Variants in PDGFC observed in about 807,000 individuals in gnomAD.
The protein encoded by PDGFC is platelet derived growth factor C.
A neutral mutation model predicts 35.5 loss-of-function variants in PDGFC; 12 were observed. The ratio of observed to expected loss-of-function variants is 0.34; its 90% confidence interval spans 0.22 to 0.55. The LOEUF (loss-of-function observed/expected upper bound fraction) is 0.55, where lower values mean the gene tolerates loss of function less well. PDGFC is among the 20% of genes least tolerant of loss of function. PDGFC has a pLI of 0.91. For missense variants in PDGFC, 322 were observed against 412.4 expected, an observed-to-expected ratio of 0.78 and a Z score of 1.90; for synonymous variants, 159 against 148.8, an observed-to-expected ratio of 1.07 and a Z score of -0.50.
At chr4:156,920,387 T>C (rs564306298) in intron 1 of PDGFC, among the ~76,000 whole-genome samples, 4 of 152,290 alleles carry the variant, frequency 2.6e-5, no homozygotes, top group African/African-American at 4.8e-5. Flanking sequence ...ACACCATTTC[T>C]ACAGATGAAA....
At chr4:156,763,261 G>T in intron 5 of PDGFC, 55 bp from the exon 6 acceptor site, 1 of 860,486 alleles carries the variant, frequency 1.2e-6, no homozygotes, top group Non-Finnish European at 2.0e-6. Context: ...TCTATGACTG[G>T]CTTTTATAAA....
chr4:156,943,943 T>C (rs141711476), intron 1 of PDGFC, among the ~76,000 whole-genome samples: 3 of 152,154 alleles, frequency 2.0e-5, no homozygotes, highest in Middle Eastern at 3.2e-3. Flanking sequence ...AAAACAAATA[T>C]GTTGTGTTAG....
At chr4:156,811,197 G>GT (rs1246841659) in intron 2 of PDGFC, among the ~76,000 whole-genome samples, 180 bp from the exon 3 acceptor site, 1 of 152,034 alleles carries the variant, frequency 6.6e-6, no homozygotes, top group Admixed American at 6.6e-5. Context: ...TGAGGGCCCA[G>GT]TTGAAGAACT....
intron 3 of PDGFC, among the ~76,000 whole-genome samples, chr4:156,803,630 GA>G (rs1476782517): frequency 6.6e-6 from 1 of 152,076 alleles, no homozygotes; most frequent in East Asian, 1.9e-4. Context: ...ACAAAGGGCA[GA>G]AAAATCATTT....
intron 2 of PDGFC, among the ~76,000 whole-genome samples, chr4:156,820,938 T>G (rs1732236231): frequency 6.6e-6 from 1 of 152,166 alleles, no homozygotes; most frequent in African/African-American, 2.4e-5. Context: ...TAGTTTCCAA[T>G]ATTTTGGAAA....
chr4:156,802,054 G>A (rs1731626448), intron 3 of PDGFC, among the ~76,000 whole-genome samples: 1 of 152,072 alleles, frequency 6.6e-6, no homozygotes, highest in Non-Finnish European at 1.5e-5. Flanking sequence ...GCAACATGTG[G>A]TTACTATATA....
At chr4:156,819,241 A>T (rs1732179913) in intron 2 of PDGFC, among the ~76,000 whole-genome samples, 1 of 151,330 alleles carries the variant, frequency 6.6e-6, no homozygotes, top group Non-Finnish European at 1.5e-5. Flanking sequence ...ATAAAGGTGG[A>T]TATGCTAAAA....
chr4:156,873,495 A>C (rs538967631), intron 1 of PDGFC, among the ~76,000 whole-genome samples: 44 of 152,314 alleles, frequency 2.9e-4, no homozygotes, highest in Middle Eastern at 3.4e-3. Context: ...ATAGTTGATA[A>C]TTAATAAATA....
chr4:156,896,628 T>G (rs954528393), intron 1 of PDGFC, among the ~76,000 whole-genome samples: 2 of 152,178 alleles, frequency 1.3e-5, no homozygotes, highest in African/African-American at 4.8e-5. Context: ...TTCAGTTACA[T>G]ATTTAGAAAA....
intron 2 of PDGFC, among the ~76,000 whole-genome samples, chr4:156,823,634 G>A (rs1732332390): frequency 6.6e-6 from 1 of 152,188 alleles, no homozygotes; most frequent in African/African-American, 2.4e-5. Context: ...GAGCATTGCT[G>A]GTGGGAATGT....
chr4:156,806,304 A>G (rs1166066280), intron 3 of PDGFC, among the ~76,000 whole-genome samples: 1 of 152,088 alleles, frequency 6.6e-6, no homozygotes, highest in Non-Finnish European at 1.5e-5. Flanking sequence ...CATTGACTCA[A>G]TTTGTATGGT....
intron 1 of PDGFC, among the ~76,000 whole-genome samples, chr4:156,955,396 C>T (rs563224947): frequency 4.0e-5 from 6 of 150,588 alleles, no homozygotes; most frequent in East Asian, 2.0e-4. Context: ...GTTTTCACCA[C>T]GAAAAAAAAA....
At chr4:156,789,647 A>C (rs1317750237) in intron 3 of PDGFC, among the ~76,000 whole-genome samples, 2 of 152,190 alleles carry the variant, frequency 1.3e-5, no homozygotes, top group East Asian at 3.9e-4. Context: ...ATATAATCTG[A>C]AGAAGTAAAG....
At chr4:156,872,578 C>T (rs1487291325) in intron 1 of PDGFC, among the ~76,000 whole-genome samples, 2 of 152,074 alleles carry the variant, frequency 1.3e-5, no homozygotes, top group Non-Finnish European at 1.5e-5. Context: ...AGCTTATAGG[C>T]CTTCATGGTT....
intron 1 of PDGFC, among the ~76,000 whole-genome samples, chr4:156,878,248 G>C (rs977686547): frequency 6.6e-6 from 1 of 152,100 alleles, no homozygotes; most frequent in East Asian, 1.9e-4. Flanking sequence ...GAGGAGAGGA[G>C]GTAAAACTGA....
At chr4:156,840,764 C>A (rs982523066) in intron 2 of PDGFC, among the ~76,000 whole-genome samples, 2 of 152,156 alleles carry the variant, frequency 1.3e-5, no homozygotes, top group South Asian at 2.1e-4. Context: ...CAAGGCCATG[C>A]GAGTTCACGT....
intron 3 of PDGFC, among the ~76,000 whole-genome samples, chr4:156,801,595 T>C (rs1008091742): frequency 3.9e-5 from 6 of 152,326 alleles, no homozygotes; most frequent in Admixed American, 3.9e-4. Flanking sequence ...TTATAGAGCA[T>C]GGCACTTGGC....
chr4:156,774,652 C>CTT (rs869200131), intron 3 of PDGFC, among the ~76,000 whole-genome samples: 2,445 of 133,630 alleles, frequency 0.018, 62 homozygotes, highest in African/African-American at 0.052. Context: ...TGATTTCATC[C>CTT]TTTTTTTTTT....
intron 3 of PDGFC, among the ~76,000 whole-genome samples, chr4:156,781,956 A>T (rs1286413811): frequency 6.6e-6 from 1 of 152,180 alleles, no homozygotes; most frequent in African/African-American, 2.4e-5. Flanking sequence ...TAATTATTTT[A>T]AAAAATATAG....
Sources: gnomAD v4.1 joint callset for allele counts (sites outside exome capture counted in the v4.1 genomes callset) on GRCh38, gnomAD v4.1.1 for gene constraint, MANE v1.5 for transcripts, NCBI Gene and HGNC (gene_info 2026-07-23, HGNC 2026-07-21) for gene names.